TMEM154: variants seen among roughly 807,000 people sequenced by gnomAD.
TMEM154 encodes the protein transmembrane protein 154.
In TMEM154, 27 loss-of-function variants were observed where a neutral mutation model predicts 24.5. The ratio of observed to expected loss-of-function variants is 1.10; its 90% CI spans 0.81 to 1.52. The LOEUF is 1.52. TMEM154 is among the 40% of genes most tolerant of loss of function. The pLI is 0.00. For missense variants in TMEM154, 228 were observed against 213.4 expected (o/e 1.07, Z -0.43); for synonymous variants, 67 against 76.8 (o/e 0.87, Z 0.67).
At chr4:152,675,488 G>A (rs888213490) in intron 1 of TMEM154, among the ~76,000 whole-genome samples, 1 of 152,144 alleles carries the variant, frequency 6.6e-6, no homozygotes, top group African/African-American at 2.4e-5. Context: ...TTAGCCGGGT[G>A]TGCTGGCACA....
rs1299292240 is a variant in TMEM154 at position 152,625,708 on chromosome 4, GAGA to G, written c.*2835_*2837del. 1 of 150,756 alleles carries G rather than the reference GAGA, an allele frequency of 6.6e-6. No individual in the cohort carries two copies. The highest frequency in any genetic ancestry group is 1.5e-5 in the Non-Finnish European group (1 of 67,770). The allele number at this position is 150,756 out of a possible 1,614,324, so 9.3% of individuals were successfully genotyped here. A position where few individuals can be genotyped will look rare whatever the true frequency, so the allele number is the denominator to read the frequency against. On this transcript the variant is annotated 3_prime_UTR_variant, in exon 7 of 7. Coordinates refer to ENST00000304385, the MANE Select transcript of TMEM154 (RefSeq NM_152680.3). ...CAAAAAAAAAAAAAAAAAGTCAGGT[GAGA>G]AGAAGTAGCACATAGTGAAAATGAA... is the stretch of plus-strand genomic sequence containing the variant.
At chr4:152,636,404 T>C (rs1350386991) in intron 6 of TMEM154, among the ~76,000 whole-genome samples, 1 of 152,182 alleles carries the variant, frequency 6.6e-6, no homozygotes, top group Non-Finnish European at 1.5e-5. Context: ...AATAAGAATA[T>C]GAAACACTCC....
intron 1 of TMEM154, among the ~76,000 whole-genome samples, chr4:152,660,711 A>T (rs1036730567): frequency 6.6e-6 from 1 of 152,288 alleles, no homozygotes; most frequent in Middle Eastern, 3.4e-3. Flanking sequence ...GTTTGGCCAT[A>T]AAGTGGTGAA....
chr4:152,679,788 C>G (rs1211287354), intron 1 of TMEM154, 82 bp downstream of exon 1: 7 of 1,544,434 alleles, frequency 4.5e-6, no homozygotes, highest in Non-Finnish European at 6.2e-6. Context: ...TGTCACCCTC[C>G]CCGGCAGAGT....
At position 152,625,424 on chromosome 4, in the gene TMEM154, T is replaced by G. The variant is rs1370927732; in HGVS notation, c.*3122A>C. ...TGTGGCCAGACACAGTGGCTCACAA[T>G]TGTAATCCAGCACTTTGGGAGGCCG... On this transcript the variant is annotated 3_prime_UTR_variant, in exon 7 of 7. Transcript: ENST00000304385. 1 of 152,516 alleles carries G rather than the reference T, an allele frequency of 6.6e-6. No individual in the cohort carries two copies. The highest frequency in any genetic ancestry group is 2.4e-5 in the African/African-American group (1 of 41,448). The allele number at this position is 152,516 out of a possible 1,614,324, so 9.4% of individuals were successfully genotyped here. A position where few individuals can be genotyped will look rare whatever the true frequency, so the allele number is the denominator to read the frequency against.
At chr4:152,657,046 G>C (rs567043831) in intron 1 of TMEM154, among the ~76,000 whole-genome samples, 1 of 150,606 alleles carries the variant, frequency 6.6e-6, no homozygotes, top group South Asian at 2.1e-4. Context: ...ACACTTGAAA[G>C]CTTCAACAAT....
At position 152,622,307 on chromosome 4, in the gene TMEM154, T is replaced by C. The variant is rs1472921914; in HGVS notation, c.*6239A>G. 1 of 152,222 alleles carries C rather than the reference T, an allele frequency of 6.6e-6. No homozygotes were observed. Among genetic ancestry groups the C allele is most frequent in the Non-Finnish European group, 1.5e-5 (1 of 68,032 alleles). The allele number at this position is 152,222 out of a possible 1,614,324, so 9.4% of individuals were successfully genotyped here. A position where few individuals can be genotyped will look rare whatever the true frequency, so the allele number is the denominator to read the frequency against. On this transcript the variant is annotated 3_prime_UTR_variant, in exon 7 of 7. Transcript: ENST00000304385. ...CAGGCCCCTTTTTGAATTGGTATTG[T>C]TTCGTTTATTTAAAGAATTATATGG...
intron 4 of TMEM154, 148 bp downstream of exon 4, chr4:152,644,267 C>A: frequency 1.2e-6 from 1 of 806,502 alleles, no homozygotes; most frequent in Admixed American, 2.1e-5. Context: ...GCACATCCTC[C>A]CTCAGGCTGC....
intron 1 of TMEM154, among the ~76,000 whole-genome samples, chr4:152,663,371 A>G (rs1239215527): frequency 6.6e-6 from 1 of 152,266 alleles, no homozygotes; most frequent in African/African-American, 2.4e-5. Flanking sequence ...GAAGACAGAA[A>G]TAGGACACAG....
intron 5 of TMEM154, among the ~76,000 whole-genome samples, chr4:152,641,934 T>G (rs1280572023): frequency 1.5e-4 from 19 of 123,636 alleles, no homozygotes; most frequent in African/African-American, 5.0e-4. Flanking sequence ...TTTTTTTTTT[T>G]TTTGTTGAGA....
intron 1 of TMEM154, among the ~76,000 whole-genome samples, chr4:152,665,786 TGC>T: frequency 6.8e-6 from 1 of 147,608 alleles, no homozygotes; most frequent in Non-Finnish European, 1.5e-5. Context: ...CCCAAGAATT[TGC>T]TTTTTTTTTT....
chr4:152,627,062 GGT>G lies in TMEM154; in HGVS notation c.*1482_*1483del, dbSNP rs1296438242. ...AGTCCCAGGATAGCGTGATAGCAGT[GGT>G]TAAACACAACCAGCTAGTTATAGCT... On this transcript the variant is annotated 3_prime_UTR_variant, in exon 7 of 7. Coordinates refer to ENST00000304385, the MANE Select transcript of TMEM154 (RefSeq NM_152680.3). The G allele has an allele frequency of 6.6e-6, 1 of 152,160 alleles. No individual in the cohort carries two copies. Among genetic ancestry groups the G allele is most frequent in the East Asian group, 1.9e-4 (1 of 5,200 alleles). 9.4% of individuals were successfully genotyped at this position (152,160 alleles called of 1,614,324 possible).
chr4:152,670,110 C>A (rs1182957675), intron 1 of TMEM154: 2 of 152,174 alleles, frequency 1.3e-5, no homozygotes, highest in African/African-American at 4.8e-5. Context: ...TGTATCCTTT[C>A]TGTAAATAAT....
intron 3 of TMEM154, among the ~76,000 whole-genome samples, chr4:152,651,986 C>G (rs562297702): frequency 6.6e-6 from 1 of 152,240 alleles, no homozygotes; most frequent in East Asian, 1.9e-4. Context: ...GGGAGAGAGA[C>G]AGGGAATGGC....
intron 3 of TMEM154, chr4:152,647,092 G>A (rs973945579): frequency 3.7e-6 from 4 of 1,089,002 alleles, no homozygotes; most frequent in Admixed American, 4.1e-5. Context: ...TTTCCAATCA[G>A]ATGAAGTGTT....
Position 152,619,694 on chromosome 4 carries a change from A to C in TMEM154, c.*8852T>G, listed in dbSNP as rs1300864371. On this transcript the variant is annotated 3_prime_UTR_variant, in exon 7 of 7. Coordinates refer to ENST00000304385, the MANE Select transcript of TMEM154 (RefSeq NM_152680.3). ...GTCTATGGAGAGGCCCACATCATAA[A>C]AGCCAAGGCCGCTGGACCACAGGCT... 1 of 152,148 alleles carries C rather than the reference A, an allele frequency of 6.6e-6. No homozygotes were observed. The highest frequency in any genetic ancestry group is 1.9e-4 in the East Asian group (1 of 5,192). The allele number at this position is 152,148 out of a possible 1,614,324, so 9.4% of individuals were successfully genotyped here.
chr4:152,678,157 T>C (rs1224805188), intron 1 of TMEM154, among the ~76,000 whole-genome samples: 1 of 151,864 alleles, frequency 6.6e-6, no homozygotes, highest in Non-Finnish European at 1.5e-5. Flanking sequence ...GAGGTGCCAC[T>C]GGGAAGGAGG....
Position 152,679,988 on chromosome 4 carries a change from T to C in TMEM154, c.-55A>G. On this transcript the variant is annotated 5_prime_UTR_variant, in exon 1 of 7. Transcript: ENST00000304385. Reference sequence around the variant, plus strand: ...GGATGCTGCGCCGGGCTGCAGCCTCTCTGAAACGTGAACATTTCCTGTTTC... The same window carrying C: ...GGATGCTGCGCCGGGCTGCAGCCTCCCTGAAACGTGAACATTTCCTGTTTC... The C allele has an allele frequency of 2.6e-6, 4 of 1,515,082 alleles. No individual in the cohort carries two copies. The highest frequency in any genetic ancestry group is 3.6e-6 in the Non-Finnish European group (4 of 1,106,228). 93.9% of individuals were successfully genotyped at this position (1,515,082 alleles called of 1,614,324 possible).
chr4:152,663,407 TAAC>T (rs1172555930), intron 1 of TMEM154, among the ~76,000 whole-genome samples: 2 of 152,152 alleles, frequency 1.3e-5, no homozygotes, highest in East Asian at 3.8e-4. Context: ...AGAGAGGCAT[TAAC>T]AAGCAAAAGA....
Sources: allele counts gnomAD v4.1 joint callset (sites outside exome capture counted in the v4.1 genomes callset), GRCh38; gene constraint gnomAD v4.1.1; transcripts MANE v1.5; gene names NCBI Gene and HGNC (gene_info 2026-07-23, HGNC 2026-07-21).